The following GINM1 variants were observed in gnomAD, a reference collection of about 807,000 sequenced individuals.
GINM1 encodes the protein glycosylated integral membrane protein 1.
Under a neutral mutation model 37.8 loss-of-function variants are expected in GINM1, and 29 were observed. That is an observed-to-expected ratio of 0.77 (90% confidence interval 0.57 to 1.05). The LOEUF (loss-of-function observed/expected upper bound fraction) is 1.05, where lower values mean the gene tolerates loss of function less well. Among genes scored for constraint, GINM1 ranks in the 50% least tolerant of loss-of-function variants. The probability of loss-of-function intolerance (pLI) is 0.00; values close to 1 mark genes in which losing one functional copy is unlikely to be tolerated. For missense variants in GINM1, 377 were observed against 397.9 expected, an observed-to-expected ratio of 0.95 and a Z score of 0.45; for synonymous variants, 143 against 146.2, an observed-to-expected ratio of 0.98 and a Z score of 0.16.
intron 6 of GINM1, 110 bp downstream of exon 6, chr6:149,580,833 T>A: frequency 1.1e-6 from 1 of 869,702 alleles, no homozygotes; most frequent in Non-Finnish European, 1.8e-6. Context: ...TGTAGAGCAT[T>A]GGTGATAATG....
intron 3 of GINM1, chr6:149,576,428 A>G (rs1481570789): frequency 6.6e-6 from 1 of 152,224 alleles, no homozygotes; most frequent in Non-Finnish European, 1.5e-5. Flanking sequence ...GTAACATTCC[A>G]TCACTTGGGC....
rs1216716915 is a variant in GINM1, at chr6:149,579,962, A to G, written c.558A>G (p.Leu186=). 1.2e-6 allele frequency: 2 copies of G among 1,608,414 alleles called. No homozygotes were observed. The highest frequency in any genetic ancestry group is 1.7e-6 in the Non-Finnish European group (2 of 1,176,472). The change falls in exon 5 of 8, where the codon TTA becomes TTG. Residue 186 remains leucine, a synonymous_variant. Coordinates refer to ENST00000367419, the MANE Select transcript of GINM1 (RefSeq NM_138785.5). Reference sequence around the variant, plus strand: ...CTATTTCTCGAGACAGTGACATTTTATTTACCCTTCCTAACCTCTCCAAAA... The same window carrying G: ...CTATTTCTCGAGACAGTGACATTTTGTTTACCCTTCCTAACCTCTCCAAAA... ...LYSISRDSDI[L]FTLPNLSKKE... is the part of the protein sequence containing the mutation.
intron 1 of GINM1, among the ~76,000 whole-genome samples, chr6:149,568,331 A>G (rs944753350): frequency 2.0e-5 from 3 of 152,258 alleles, no homozygotes; most frequent in Non-Finnish European, 4.4e-5. Context: ...TCTGTGGGAA[A>G]CTGAAGTCCC....
chr6:149,585,717 C>T (rs1463825797), intron 7 of GINM1, among the ~76,000 whole-genome samples: 1 of 152,014 alleles, frequency 6.6e-6, no homozygotes, highest in Non-Finnish European at 1.5e-5. Context: ...CTCAGCCTCC[C>T]GAGTAGCTGG....
At chr6:149,569,284 C>T (rs1189679182) in intron 1 of GINM1, among the ~76,000 whole-genome samples, 1 of 151,082 alleles carries the variant, frequency 6.6e-6, no homozygotes, top group African/African-American at 2.4e-5. Context: ...GATCCACCCG[C>T]CTCAGCCTTC....
At chr6:149,583,560 C>T (rs1582737558) in intron 7 of GINM1, among the ~76,000 whole-genome samples, 2 of 149,666 alleles carry the variant, frequency 1.3e-5, no homozygotes, top group East Asian at 2.0e-4. Context: ...ACCCGGAAGG[C>T]GGAGGTTGTG....
chr6:149,570,645 T>C (rs764449194), intron 1 of GINM1, among the ~76,000 whole-genome samples: 1 of 152,162 alleles, frequency 6.6e-6, no homozygotes, highest in Non-Finnish European at 1.5e-5. Context: ...TATTCTCTCA[T>C]TTGTGGGAAA....
At chr6:149,588,424 A>G (rs1353577660) in intron 7 of GINM1, among the ~76,000 whole-genome samples, 1 of 152,204 alleles carries the variant, frequency 6.6e-6, no homozygotes, top group Non-Finnish European at 1.5e-5. Flanking sequence ...TCTGTTATAC[A>G]TATGTAATGC....
At chr6:149,590,359 A>ACT (rs1414509917) in intron 7 of GINM1, among the ~76,000 whole-genome samples, 6 of 152,214 alleles carry the variant, frequency 3.9e-5, no homozygotes, top group African/African-American at 1.4e-4. Context: ...AAAGAGCAAC[A>ACT]CTATCTAAAG....
Position 149,578,895 on chromosome 6 carries a change from T to C in GINM1, c.351T>C (p.His117=). 2 of 1,602,816 alleles carry C rather than the reference T, an allele frequency of 1.2e-6. No homozygotes were observed. The highest frequency in any genetic ancestry group is 1.7e-6 in the Non-Finnish European group (2 of 1,170,360). ...FGIVSVRILV[H]EWPMTSGSSL... Reference sequence around the variant, plus strand: ...TTGTCAGTGTAAGGATTTTAGTTCATGAGTGGCCTATGACATCTGGTTCCA... The same window carrying C: ...TTGTCAGTGTAAGGATTTTAGTTCACGAGTGGCCTATGACATCTGGTTCCA... The change falls in exon 4 of 8, where the codon CAT becomes CAC. Residue 117 remains histidine, a synonymous_variant. Transcript: ENST00000367419.
In GINM1 at chr6:149,574,046, G is replaced by T. The variant is rs577392839; in HGVS notation, c.277+1443G>T. 2.4e-5 allele frequency among the ~76,000 whole-genome samples: 3 copies of T among 126,378 alleles called. No individual in the cohort carries two copies. In the East Asian group the frequency reaches 8.1e-4, roughly 34 times the overall value. The allele number at this position is 126,378 out of a possible 152,430, so 82.9% of individuals were successfully genotyped here. A position where few individuals can be genotyped will look rare whatever the true frequency, so the allele number is the denominator to read the frequency against. On this transcript the variant is annotated intron_variant, in intron 3 of 7. Coordinates refer to ENST00000367419, the MANE Select transcript of GINM1 (RefSeq NM_138785.5). ...TAGCAAATACAAAGAATATACATAGGATTTTTTTTTTTTTTTTTTTGAGAT... is the reference window on the plus strand; with the variant it reads ...TAGCAAATACAAAGAATATACATAGTATTTTTTTTTTTTTTTTTTTGAGAT...
intron 3 of GINM1, among the ~76,000 whole-genome samples, chr6:149,577,721 AT>A (rs1474779240): frequency 2.0e-5 from 3 of 152,206 alleles, no homozygotes; most frequent in African/African-American, 7.2e-5. Context: ...GTGCATTCAG[AT>A]TGTATATCTG....
rs74556306 is a variant in GINM1, at chr6:149,588,314, G to T, written c.882-2413G>T. ...TGGGTTCAACATCTTTGTGATAATT[G>T]GCTATATATGATTCTCTCATGACTT... is the stretch of plus-strand genomic sequence containing the variant. On this transcript the variant is annotated intron_variant, in intron 7 of 7. Coordinates refer to ENST00000367419, the MANE Select transcript of GINM1 (RefSeq NM_138785.5). Among the ~76,000 whole-genome samples the T allele has an allele frequency of 8.9e-3, 1,358 of 152,172 alleles. 19 individuals are homozygous for T. Among genetic ancestry groups the T allele is most frequent in the African/African-American group, 0.03 (1,244 of 41,520 alleles).
At chr6:149,579,063 C>T (rs1024589826) in intron 4 of GINM1, 90 bp downstream of exon 4, 21 of 785,568 alleles carry the variant, frequency 2.7e-5, no homozygotes, top group Admixed American at 9.2e-5. Flanking sequence ...TATTTGTTTC[C>T]GACTTGATAA....
chr6:149,582,329 A>C, intron 6 of GINM1, 111 bp from the exon 7 acceptor site: 1 of 919,630 alleles, frequency 1.1e-6, no homozygotes, highest in East Asian at 2.5e-5. Context: ...CTACCAGCAC[A>C]ATCAAAATAT....
chr6:149,566,572 C>A lies in GINM1; in HGVS notation c.120+38C>A. 6.9e-7 allele frequency: 1 copy of A among 1,456,996 alleles called. No homozygotes were observed. Among genetic ancestry groups the A allele is most frequent in the Non-Finnish European group, 9.0e-7 (1 of 1,105,910 alleles). The allele number at this position is 1,456,996 out of a possible 1,614,324, so 90.3% of individuals were successfully genotyped here. ...GGGCCTGGCTGGCCGCTTTACGACT[C>A]CGACTCTCCGGGAGGCCCGGGCTGT... On this transcript the variant is annotated intron_variant, in intron 1 of 7. Transcript: ENST00000367419. The surrounding 1 kb of genome is among the most constrained non-coding windows in gnomAD (Gnocchi z 4.4).
At chr6:149,587,097 C>T (rs1778080245) in intron 7 of GINM1, among the ~76,000 whole-genome samples, 2 of 152,144 alleles carry the variant, frequency 1.3e-5, no homozygotes. Flanking sequence ...TTATTTTTAA[C>T]TGACATGTCA....
chr6:149,588,789 G>C (rs931348314), intron 7 of GINM1, among the ~76,000 whole-genome samples: 1 of 150,532 alleles, frequency 6.6e-6, no homozygotes, highest in African/African-American at 2.5e-5. Context: ...CACCCTGCCT[G>C]GCTAATTTGT....
intron 5 of GINM1, 40 bp from the exon 6 acceptor site, chr6:149,580,553 A>T: frequency 6.3e-7 from 1 of 1,581,960 alleles, no homozygotes; most frequent in South Asian, 1.2e-5. Flanking sequence ...GTAGGATAAG[A>T]CACCAGCATT....
Sources: allele counts gnomAD v4.1 joint callset (sites outside exome capture counted in the v4.1 genomes callset), GRCh38; gene constraint gnomAD v4.1.1; non-coding constraint Gnocchi (gnomAD v3.1); transcripts MANE v1.5; gene names NCBI Gene and HGNC (gene_info 2026-07-23, HGNC 2026-07-21).